Variants in CABP2 observed in about 807,000 individuals in gnomAD.
CABP2 encodes calcium-binding protein 2.
In CABP2, 25 loss-of-function variants were observed where a neutral mutation model predicts 28.6. That is an observed-to-expected ratio of 0.87 (90% CI 0.64 to 1.22). The LOEUF is 1.22. Among genes scored for constraint, CABP2 ranks in the 50% most tolerant of loss-of-function variants. The pLI, the probability that CABP2 is intolerant of heterozygous loss-of-function variation, is 0.00. For missense variants in CABP2, 310 were observed against 312.2 expected (o/e 0.99, Z 0.05); for synonymous variants, 138 against 126.0 (o/e 1.09, Z -0.64).
At chr11:67,523,193 C>T (rs1198350299) in intron 1 of CABP2, 92 bp downstream of exon 1, 29 of 1,065,584 alleles carry the variant, frequency 2.7e-5, no homozygotes, top group Middle Eastern at 2.1e-4. Flanking sequence ...CCCCCAACCC[C>T]GCCCGGCCCT....
At chr11:67,520,487 G>A (rs1036142085) in intron 4 of CABP2, among the ~76,000 whole-genome samples, 1 of 151,892 alleles carries the variant, frequency 6.6e-6, no homozygotes, top group African/African-American at 2.4e-5. Context: ...GTGAAACCCC[G>A]TCTCCACTAA....
chr11:67,521,307 G>T, intron 3 of CABP2, 148 bp from the exon 4 acceptor site: 1 of 785,138 alleles, frequency 1.3e-6, no homozygotes, highest in Non-Finnish European at 2.0e-6. Context: ...TGCTGTTCCT[G>T]TTATTTGTTC....
Position 67,519,797 on chromosome 11 carries a change from G to C in CABP2, c.633C>G (p.Phe211Leu). 6.2e-7 allele frequency: 1 copy of C among 1,613,774 alleles called. No individual in the cohort carries two copies. Among genetic ancestry groups the C allele is most frequent in the Non-Finnish European group, 8.5e-7 (1 of 1,179,774 alleles). ...VDLNGDGLVD[F>L]EEFVRMMSR ...GCTATGTGCGGCAGGGGGTACCTTC[G>C]AAGTCGACCAGACCGTCCCCATTGA... is the stretch of plus-strand genomic sequence containing the variant. The change falls in exon 6 of 7, where the codon TTC becomes TTG. Residue 211 changes from phenylalanine to leucine, a missense_variant. Transcript: ENST00000294288.
chr11:67,523,345 G>C lies in CABP2; in HGVS notation c.-19C>G. On this transcript the variant is annotated 5_prime_UTR_variant, in exon 1 of 7. Coordinates refer to ENST00000294288, the MANE Select transcript of CABP2 (RefSeq NM_016366.3). ...TCCCCATGGGCCCTGAACCATGCCAGGCCTGGAACCCCGGGGGTGGCCCGG... is the reference window on the plus strand; with the variant it reads ...TCCCCATGGGCCCTGAACCATGCCACGCCTGGAACCCCGGGGGTGGCCCGG... 6.5e-7 allele frequency: 1 copy of C among 1,546,272 alleles called. No individual in the cohort carries two copies. Among genetic ancestry groups the C allele is most frequent in the Non-Finnish European group, 8.7e-7 (1 of 1,144,360 alleles).
rs1405955205 is a variant in CABP2 at position 67,521,112 on chromosome 11, T to C, written c.292A>G (p.Ile98Val). 1 of 1,613,742 alleles carries C rather than the reference T, an allele frequency of 6.2e-7. No individual in the cohort carries two copies. Among genetic ancestry groups the C allele is most frequent in the Non-Finnish European group, 8.5e-7 (1 of 1,179,942 alleles). Residue 98 changes from isoleucine to valine, a missense_variant, in exon 4 of 7, where the codon ATT becomes GTT. Physicochemically the swap from Ile to Val is conservative, Grantham distance 29. Transcript: ENST00000294288. Reference sequence around the variant, plus strand: ...CAGGCACCCAGCTCCCGGCAGCCAATGTAGCCGTCCCGGTCTCGGTCAAAC... The same window carrying C: ...CAGGCACCCAGCTCCCGGCAGCCAACGTAGCCGTCCCGGTCTCGGTCAAAC... ...QEFDRDRDGYIGCRELGACMR... is the reference protein window; with the variant it reads ...QEFDRDRDGYVGCRELGACMR...
rs1866783184 is a variant in CABP2, at chr11:67,523,435, C to T, written c.-109G>A. The T allele has an allele frequency of 1.5e-6, 2 of 1,366,414 alleles. No homozygotes were observed. Among genetic ancestry groups the T allele is most frequent in the Non-Finnish European group, 1.9e-6 (2 of 1,052,138 alleles). 84.6% of individuals were successfully genotyped at this position (1,366,414 alleles called of 1,614,324 possible). On this transcript the variant is annotated 5_prime_UTR_variant, in exon 1 of 7. Transcript: ENST00000294288. ...AGCCCCCAGCTGCTCCCGATGAGAG[C>T]CTGGGAGTACTGCCGGGGATTTTCC... is the stretch of plus-strand genomic sequence containing the variant.
rs1415758094 is a variant in CABP2, at chr11:67,520,288, T to C, written c.380-128A>G. On this transcript the variant is annotated intron_variant, in intron 4 of 6. Coordinates refer to ENST00000294288, the MANE Select transcript of CABP2 (RefSeq NM_016366.3). Reference sequence around the variant, plus strand: ...CCTCCCTCTGCGCCAGAAGCCTGGGTCATCTGTATTTCCCAATGGGAATCG... The same window carrying C: ...CCTCCCTCTGCGCCAGAAGCCTGGGCCATCTGTATTTCCCAATGGGAATCG... The C allele has an allele frequency of 1.7e-5, 11 of 636,506 alleles. No individual in the cohort carries two copies. The East Asian group carries it at 3.0e-4, about 17-fold the overall frequency. 39.4% of individuals were successfully genotyped at this position (636,506 alleles called of 1,614,324 possible).
rs75768178 is a variant in CABP2, at chr11:67,522,635, C to G, written c.124G>C (p.Ala42Pro). 3 of 1,547,336 alleles carry G rather than the reference C, an allele frequency of 1.9e-6. No homozygotes were observed. Among genetic ancestry groups the G allele is most frequent in the African/African-American group, 2.7e-5 (2 of 72,940 alleles). Residue 42 changes from alanine (A) to proline (P), a missense_variant, in exon 2 of 7, where the codon GCG becomes CCG. By Grantham distance (27) the Ala-to-Pro change is conservative. Coordinates refer to ENST00000294288, the MANE Select transcript of CABP2 (RefSeq NM_016366.3). ...ACCGAGTAGCCCTGGACGCCTGGCG[C>G]GGGGTCCCCCTGCTCCTTGGGGCTG... ...SSSPKEQGDP[A>P]PGVQGYSVLN...
intron 3 of CABP2, 109 bp downstream of exon 3, chr11:67,521,843 C>T: frequency 9.8e-7 from 1 of 1,015,766 alleles, no homozygotes; most frequent in South Asian, 1.4e-5. Context: ...CCACTTCCTC[C>T]TGGAAACACT....
At chr11:67,522,744 G>C in intron 1 of CABP2, 28 bp from the exon 2 acceptor site, 1 of 1,456,834 alleles carries the variant, frequency 6.9e-7, no homozygotes, top group Non-Finnish European at 9.1e-7. Context: ...GTGAGCTGGG[G>C]CAGTGGCCGC....
At position 67,519,050 on chromosome 11, in the gene CABP2, G is replaced by A. The variant is rs1419513117; in HGVS notation, c.*89C>T. 6.2e-6 allele frequency: 9 copies of A among 1,451,374 alleles called. No homozygotes were observed. The highest frequency in any genetic ancestry group is 2.3e-5 in the East Asian group (1 of 44,096). The allele number at this position is 1,451,374 out of a possible 1,614,324, so 89.9% of individuals were successfully genotyped here. A position where few individuals can be genotyped will look rare whatever the true frequency, so the allele number is the denominator to read the frequency against. ...GGATGGGGAGGAAAGGAGGGTCCCC[G>A]CTAGAGGCGATGGGCTTCAAGGAAC... On this transcript the variant is annotated 3_prime_UTR_variant, in exon 7 of 7. Coordinates refer to ENST00000294288, the MANE Select transcript of CABP2 (RefSeq NM_016366.3).
At chr11:67,521,390 AT>A (rs1435769918) in intron 3 of CABP2, among the ~76,000 whole-genome samples, 1 of 152,086 alleles carries the variant, frequency 6.6e-6, no homozygotes, top group African/African-American at 2.4e-5. Context: ...CAGCAGTGAA[AT>A]TTTTCAAAAA....
At chr11:67,522,087 C>T (rs1249175157) in intron 2 of CABP2, 105 bp from the exon 3 acceptor site, 3 of 974,516 alleles carry the variant, frequency 3.1e-6, no homozygotes, top group Non-Finnish European at 3.2e-6. Flanking sequence ...CCAACACGCA[C>T]ACGCAGGGCC....
At chr11:67,521,918 C>T in intron 3 of CABP2, 34 bp downstream of exon 3, 2 of 1,598,432 alleles carry the variant, frequency 1.3e-6, no homozygotes, top group Non-Finnish European at 1.7e-6. Context: ...GCCACCTCCC[C>T]TTCAGGGAAC....
Position 67,523,398 on chromosome 11 carries a change from A to C in CABP2, c.-72T>G. The C allele has an allele frequency of 7.0e-7, 1 of 1,427,596 alleles. No individual in the cohort carries two copies. Among genetic ancestry groups the C allele is most frequent in the Non-Finnish European group, 9.3e-7 (1 of 1,077,480 alleles). The allele number at this position is 1,427,596 out of a possible 1,614,324, so 88.4% of individuals were successfully genotyped here. A position where few individuals can be genotyped will look rare whatever the true frequency, so the allele number is the denominator to read the frequency against. ...GGGCCTCGGCGGATGCTGCTGCCTG[A>C]GGACTCCTGCCAGCCCCCAGCTGCT... On this transcript the variant is annotated 5_prime_UTR_variant, in exon 1 of 7. Coordinates refer to ENST00000294288, the MANE Select transcript of CABP2 (RefSeq NM_016366.3).
chr11:67,520,573 G>A (rs1413454159), intron 4 of CABP2, among the ~76,000 whole-genome samples: 1 of 152,142 alleles, frequency 6.6e-6, no homozygotes, highest in Non-Finnish European at 1.5e-5. Context: ...CAGGAGAATT[G>A]CTTGAACCCA....
intron 5 of CABP2, 51 bp downstream of exon 5, chr11:67,520,000 C>T (rs1159434191): frequency 6.3e-7 from 1 of 1,599,566 alleles, no homozygotes; most frequent in Non-Finnish European, 8.5e-7. Context: ...CGCAGCCCCT[C>T]ACTCACGGCA....
chr11:67,521,839 C>G, intron 3 of CABP2, 113 bp downstream of exon 3: 3 of 970,410 alleles, frequency 3.1e-6, no homozygotes, highest in Non-Finnish European at 4.8e-6. Flanking sequence ...GCTCCCACTT[C>G]CTCCTGGAAA....
chr11:67,520,165 G>T lies in CABP2; in HGVS notation c.380-5C>A, dbSNP rs746246468. 4 of 1,605,826 alleles carry T rather than the reference G, an allele frequency of 2.5e-6. No individual in the cohort carries two copies. The highest frequency in any genetic ancestry group is 3.4e-6 in the Non-Finnish European group (4 of 1,172,782). ...CAAAGTCCACCTTTCCGCCACCTGGGGGTCCCGTCCATTACAGACCCAGGG... is the reference window on the plus strand; with the variant it reads ...CAAAGTCCACCTTTCCGCCACCTGGTGGTCCCGTCCATTACAGACCCAGGG... On this transcript the variant is annotated splice_polypyrimidine_tract_variant and splice_region_variant and intron_variant, in intron 4 of 6. Transcript: ENST00000294288.
Sources: gnomAD v4.1 joint callset for allele counts (sites outside exome capture counted in the v4.1 genomes callset) on GRCh38, gnomAD v4.1.1 for gene constraint, MANE v1.5 for transcripts, NCBI Gene and HGNC (gene_info 2026-07-23, HGNC 2026-07-21) for gene names.